The following FLACC1 variants were observed in gnomAD, a reference collection of about 807,000 sequenced individuals.
FLACC1 encodes flagellum associated containing coiled-coil domains 1.
Under a neutral mutation model 62.8 loss-of-function variants are expected in FLACC1, and 66 were observed. That is an observed-to-expected ratio of 1.05 (90% CI 0.86 to 1.29). The LOEUF (loss-of-function observed/expected upper bound fraction) is 1.29. Among genes scored for constraint, FLACC1 ranks in the 50% most tolerant of loss-of-function variants. FLACC1 has a pLI of 0.00. For synonymous variants in FLACC1, 156 were observed against 161.0 expected (o/e 0.97, Z 0.24); for missense variants, 452 against 489.1 (o/e 0.92, Z 0.71).
At chr2:201,305,363 G>A (rs1950080597) in intron 11 of FLACC1, among the ~76,000 whole-genome samples, 1 of 152,154 alleles carries the variant, frequency 6.6e-6, no homozygotes, top group African/African-American at 2.4e-5. Flanking sequence ...TCAGAGAAAT[G>A]CAAATCAAAA....
intron 11 of FLACC1, among the ~76,000 whole-genome samples, chr2:201,302,465 C>T (rs1950006020): frequency 6.6e-6 from 1 of 152,152 alleles, no homozygotes; most frequent in African/African-American, 2.4e-5. Flanking sequence ...AACTTAGATT[C>T]CCACACAATA....
intron 11 of FLACC1, among the ~76,000 whole-genome samples, 190 bp from the exon 12 acceptor site, chr2:201,299,490 C>A (rs1324582031): frequency 6.6e-6 from 1 of 152,118 alleles, no homozygotes; most frequent in African/African-American, 2.4e-5. Context: ...TATGTTCAAC[C>A]TTATCTCACT....
chr2:201,306,477 C>G (rs1950109642), intron 11 of FLACC1, among the ~76,000 whole-genome samples: 1 of 152,168 alleles, frequency 6.6e-6, no homozygotes, highest in Non-Finnish European at 1.5e-5. Context: ...GCTGGGACAA[C>G]TGAATATCCA....
intron 4 of FLACC1, chr2:201,347,963 A>G (rs1374344040): frequency 4.2e-6 from 1 of 236,622 alleles, no homozygotes; most frequent in Non-Finnish European, 8.3e-6. Flanking sequence ...TGAGCTGTTC[A>G]CTGGCCTGGA....
the FLACC1 span, among the ~76,000 whole-genome samples, chr2:201,363,880 A>G: frequency 6.6e-6 from 1 of 152,186 alleles, no homozygotes; most frequent in Non-Finnish European, 1.5e-5. Flanking sequence ...GGTGCTTGGT[A>G]GTGGCTACCC....
At chr2:201,345,379 C>T (rs1308294094) in intron 5 of FLACC1, among the ~76,000 whole-genome samples, 1 of 151,976 alleles carries the variant, frequency 6.6e-6, no homozygotes, top group African/African-American at 2.4e-5. Context: ...AACCTGAATC[C>T]CTTCCCCAGA....
At chr2:201,290,198 A>C (rs1013779835) in intron 12 of FLACC1, among the ~76,000 whole-genome samples, 1 of 152,234 alleles carries the variant, frequency 6.6e-6, no homozygotes, top group Non-Finnish European at 1.5e-5. Flanking sequence ...GTATGACACT[A>C]TAATGGTGGA....
In FLACC1 at chr2:201,344,168, A is replaced by T. The variant is rs1010617330; in HGVS notation, c.462+2T>A. On this transcript the variant is annotated splice_donor_variant, in intron 6 of 14. Coordinates refer to ENST00000392257, the MANE Select transcript of FLACC1 (RefSeq NM_001127391.3). LOFTEE classifies it high-confidence loss of function. ...GATGTTAGCTAATGTAAGGTCACTC[A>T]CCAATTTCTGGGCAGACTGGTGGTC... 1.3e-5 allele frequency: 21 copies of T among 1,605,054 alleles called. No homozygotes were observed. In the African/African-American group the frequency reaches 2.5e-4, roughly 19 times the overall value.
At chr2:201,290,839 C>G (rs531642934) in intron 12 of FLACC1, among the ~76,000 whole-genome samples, 1 of 152,318 alleles carries the variant, frequency 6.6e-6, no homozygotes, top group South Asian at 2.1e-4. Context: ...CCTAATACTG[C>G]ATTTTCCAAC....
At chr2:201,319,840 A>G (rs1271607840) in intron 9 of FLACC1, among the ~76,000 whole-genome samples, 3 of 152,228 alleles carry the variant, frequency 2.0e-5, no homozygotes, top group African/African-American at 2.4e-5. Flanking sequence ...TTTTTCAAGG[A>G]GCAATGCAGA....
intron 1 of FLACC1, 145 bp from the exon 2 acceptor site, chr2:201,351,596 G>A: frequency 3.4e-6 from 2 of 585,226 alleles, no homozygotes; most frequent in South Asian, 4.2e-5. Flanking sequence ...TTGACTATAG[G>A]TTAACAGCTC....
chr2:201,294,539 T>C (rs530136563), intron 12 of FLACC1, among the ~76,000 whole-genome samples: 8 of 152,248 alleles, frequency 5.3e-5, no homozygotes, highest in East Asian at 3.9e-4. Context: ...ATAAGAGCTA[T>C]CTATGACAAA....
At chr2:201,308,304 C>A (rs1950146890) in intron 10 of FLACC1, among the ~76,000 whole-genome samples, 1 of 152,154 alleles carries the variant, frequency 6.6e-6, no homozygotes, top group Non-Finnish European at 1.5e-5. Context: ...GGTTCTATTG[C>A]ACTAGAATTC....
intron 5 of FLACC1, among the ~76,000 whole-genome samples, chr2:201,344,703 G>C (rs1256015575): frequency 6.6e-6 from 1 of 152,156 alleles, no homozygotes; most frequent in Non-Finnish European, 1.5e-5. Context: ...GGACTAAGAG[G>C]GTATTTAAGA....
At chr2:201,354,729 G>A (rs889818299) in intron 1 of FLACC1, among the ~76,000 whole-genome samples, 5 of 152,182 alleles carry the variant, frequency 3.3e-5, no homozygotes, top group African/African-American at 1.2e-4. Context: ...CTTCCTGTAC[G>A]AAAGGAGCCA....
chr2:201,309,271 C>A, intron 9 of FLACC1, 21 bp from the exon 10 acceptor site: 2 of 1,581,786 alleles, frequency 1.3e-6, no homozygotes, highest in East Asian at 4.5e-5. Flanking sequence ...ACAAAGGCAC[C>A]ATGAAGAAAA....
At chr2:201,301,938 C>T (rs1032393211) in intron 11 of FLACC1, among the ~76,000 whole-genome samples, 1 of 152,136 alleles carries the variant, frequency 6.6e-6, no homozygotes, top group Non-Finnish European at 1.5e-5. Flanking sequence ...GAAGGAAGCA[C>T]TAAACATGGA....
intron 10 of FLACC1, among the ~76,000 whole-genome samples, chr2:201,308,650 C>A (rs1180894361): frequency 1.3e-5 from 2 of 152,106 alleles, no homozygotes; most frequent in African/African-American, 2.4e-5. Flanking sequence ...TTGTATGGTG[C>A]AAGCTCTGTG....
upstream of FLACC1, among the ~76,000 whole-genome samples, chr2:201,358,016 C>A (rs1451395061): frequency 6.6e-6 from 1 of 152,044 alleles, no homozygotes; most frequent in Non-Finnish European, 1.5e-5. Context: ...TGATTATAAT[C>A]CACTAGATTG....
Sources: gnomAD v4.1 joint callset for allele counts (sites outside exome capture counted in the v4.1 genomes callset) on GRCh38, gnomAD v4.1.1 for gene constraint, MANE v1.5 for transcripts, NCBI Gene and HGNC (gene_info 2026-07-23, HGNC 2026-07-21) for gene names.